Variants in VWA5B1 observed in about 807,000 individuals in gnomAD.
VWA5B1 encodes von Willebrand factor A domain-containing protein 5B1.
Under a neutral mutation model 118.2 loss-of-function variants are expected in VWA5B1, and 115 were observed. The ratio of observed to expected loss-of-function variants is 0.97; its 90% CI spans 0.84 to 1.14. The LOEUF (loss-of-function observed/expected upper bound fraction) is 1.14, where lower values mean the gene tolerates loss of function less well. Among genes scored for constraint, VWA5B1 ranks in the 50% most tolerant of loss-of-function variants. VWA5B1 has a pLI of 0.00. For synonymous variants in VWA5B1, 682 were observed against 658.4 expected (o/e 1.04, Z -0.55); for missense variants, 1,596 against 1,603.8 (o/e 1.00, Z 0.08).
At chr1:20,337,119 G>A (rs2089739804) in intron 13 of VWA5B1, among the ~76,000 whole-genome samples, 1 of 151,798 alleles carries the variant, frequency 6.6e-6, no homozygotes, top group Non-Finnish European at 1.5e-5. Flanking sequence ...GACCCACTTT[G>A]TACCTTTTAT....
intron 20 of VWA5B1, 65 bp downstream of exon 20, chr1:20,350,991 G>T: frequency 6.7e-7 from 1 of 1,494,438 alleles, no homozygotes; most frequent in Non-Finnish European, 9.1e-7. Flanking sequence ...GGTCCCTGGG[G>T]TTTTCCCTGA....
intron 1 of VWA5B1, among the ~76,000 whole-genome samples, chr1:20,294,781 G>A (rs1170935882): frequency 6.6e-6 from 1 of 152,074 alleles, no homozygotes; most frequent in African/African-American, 2.4e-5. Context: ...TAGAGACGGG[G>A]TTTCTCCATG....
intron 7 of VWA5B1, 184 bp from the exon 8 acceptor site, chr1:20,323,172 A>ATGCT (rs2089274038): frequency 2.2e-6 from 1 of 455,688 alleles, no homozygotes; most frequent in South Asian, 9.0e-5. Context: ...TGCAAAGTCC[A>ATGCT]TGCTTGCTGT....
chr1:20,355,064 A>G lies in VWA5B1; in HGVS notation c.*801A>G, dbSNP rs1243413560. On this transcript the variant is annotated 3_prime_UTR_variant, in exon 22 of 22. Coordinates refer to ENST00000289815, the MANE Select transcript of VWA5B1 (RefSeq NM_001039500.3). Reference sequence around the variant, plus strand: ...GTCCTAAAAGAACAGACATGGTCACAGAAGTCAATGAAGACACCAGACAAC... The same window carrying G: ...GTCCTAAAAGAACAGACATGGTCACGGAAGTCAATGAAGACACCAGACAAC... Among the ~76,000 whole-genome samples the G allele has an allele frequency of 6.6e-6, 1 of 152,254 alleles. No homozygotes were observed. The highest frequency in any genetic ancestry group is 1.5e-5 in the Non-Finnish European group (1 of 68,046).
intron 1 of VWA5B1, among the ~76,000 whole-genome samples, chr1:20,291,361 C>CTCTCTCTCTCTA (rs2088299046): frequency 7.4e-6 from 1 of 135,600 alleles, no homozygotes; most frequent in East Asian, 2.4e-4. Context: ...TTCTTTCTTT[C>CTCTCTCTCTCTA]TCTCTCTCTC....
chr1:20,337,921 TG>T, intron 14 of VWA5B1, 85 bp downstream of exon 14: 1 of 1,517,616 alleles, frequency 6.6e-7, no homozygotes, highest in South Asian at 1.2e-5. Flanking sequence ...CCGCAGGACG[TG>T]GCCATCCACA....
In VWA5B1 at chr1:20,358,126, C is replaced by T. The variant is rs1393594859; in HGVS notation, c.*3863C>T. Reference sequence around the variant, plus strand: ...GGCACCCATGTTTCCCCAGCCAGTCCCTTCTCTGCGGGCAAAATGAATGGC... The same window carrying T: ...GGCACCCATGTTTCCCCAGCCAGTCTCTTCTCTGCGGGCAAAATGAATGGC... On this transcript the variant is annotated 3_prime_UTR_variant, in exon 22 of 22. Coordinates refer to ENST00000289815, the MANE Select transcript of VWA5B1 (RefSeq NM_001039500.3). 6.6e-6 allele frequency among the ~76,000 whole-genome samples: 1 copy of T among 152,178 alleles called. No individual in the cohort carries two copies. Among genetic ancestry groups the T allele is most frequent in the Non-Finnish European group, 1.5e-5 (1 of 68,040 alleles).
Position 20,330,918 on chromosome 1 carries a change from G to A in VWA5B1, c.1507G>A (p.Gly503Arg). 1 of 1,551,762 alleles carries A rather than the reference G, an allele frequency of 6.4e-7. No individual in the cohort carries two copies. The highest frequency in any genetic ancestry group is 8.7e-7 in the Non-Finnish European group (1 of 1,147,014). ...GPNVCHRLVK[G>R]LASVSEGSAE... ...CAACGTCTGCCACAGACTGGTGAAA[G>A]GACTGGCATCTGTGTCCGAGGGCAG... The change falls in exon 11 of 22, where the codon GGA becomes AGA. Residue 503 changes from glycine (G) to arginine (R), a missense_variant. Transcript: ENST00000289815.
At chr1:20,331,010 T>A (rs1169057139) in intron 11 of VWA5B1, 27 bp downstream of exon 11, 18 of 1,512,564 alleles carry the variant, frequency 1.2e-5, no homozygotes, top group Non-Finnish European at 1.6e-5. Context: ...ACGCAGTCCC[T>A]TCTGGTGCTG....
rs1455952589 is a variant in VWA5B1, at chr1:20,318,576, T to C, written c.710-14T>C. 1.9e-6 allele frequency: 3 copies of C among 1,551,090 alleles called. No homozygotes were observed. The African/African-American group carries it at 4.1e-5, about 21-fold the overall frequency. On this transcript the variant is annotated splice_polypyrimidine_tract_variant and intron_variant, in intron 5 of 21. Transcript: ENST00000289815. ...CATGAGCCTATATCCCCCTTGCCTT[T>C]CTATGCCACTCAGGGGTGGAGAGTC... is the stretch of plus-strand genomic sequence containing the variant.
At chr1:20,353,608 G>C in intron 21 of VWA5B1, 149 bp from the exon 22 acceptor site, 3 of 1,024,158 alleles carry the variant, frequency 2.9e-6, no homozygotes, top group Non-Finnish European at 4.1e-6. Context: ...GCAGGATAAA[G>C]GATAGAGATG....
At chr1:20,350,506 C>T (rs537580403) in intron 19 of VWA5B1, among the ~76,000 whole-genome samples, 4 of 152,302 alleles carry the variant, frequency 2.6e-5, no homozygotes, top group East Asian at 1.9e-4. Context: ...TTTGCCACTC[C>T]GCTCTGCCTA....
chr1:20,347,485 G>A (rs947310530), intron 17 of VWA5B1, among the ~76,000 whole-genome samples: 1 of 151,422 alleles, frequency 6.6e-6, no homozygotes. Flanking sequence ...TGTTGCTCAG[G>A]TTAGAGTGCA....
rs977409123 is a variant in VWA5B1, at chr1:20,330,117, C to T, written c.1255-63C>T. ...AGATCTAGGGAAACAAAGTCCTCTT[C>T]CTTAGGTGGTCTAGAGTCTCTGTAC... On this transcript the variant is annotated intron_variant, in intron 9 of 21. Transcript: ENST00000289815. The T allele has an allele frequency of 9.8e-6, 15 of 1,530,380 alleles. No individual in the cohort carries two copies. The East Asian group carries it at 3.2e-4, about 33-fold the overall frequency. The allele number at this position is 1,530,380 out of a possible 1,614,324, so 94.8% of individuals were successfully genotyped here.
At chr1:20,305,496 A>C (rs2088623836) in intron 1 of VWA5B1, among the ~76,000 whole-genome samples, 2 of 152,080 alleles carry the variant, frequency 1.3e-5, no homozygotes, top group South Asian at 4.1e-4. Flanking sequence ...GGATAGCCAA[A>C]ATGCATCAGC....
chr1:20,315,481 C>T (rs1324907939), intron 4 of VWA5B1, among the ~76,000 whole-genome samples: 2 of 152,236 alleles, frequency 1.3e-5, no homozygotes, highest in African/African-American at 2.4e-5. Flanking sequence ...AAGGCACTTA[C>T]AGCTGAGATC....
At position 20,342,539 on chromosome 1, in the gene VWA5B1, G is replaced by C; in HGVS notation, c.2241G>C (p.Trp747Cys). 6.5e-7 allele frequency: 1 copy of C among 1,545,750 alleles called. No homozygotes were observed. The change falls in exon 15 of 22, where the codon TGG becomes TGC. Residue 747 changes from tryptophan (W) to cysteine (C), a missense_variant. Physicochemically the swap from Trp to Cys is radical, Grantham distance 215. Coordinates refer to ENST00000289815, the MANE Select transcript of VWA5B1 (RefSeq NM_001039500.3). The part of the protein sequence containing the change: ...LPQGCQPFLP[W>C]GQETQAWSPV... ...AAGGCTGCCAGCCCTTCCTGCCCTG[G>C]GGCCAGGAGACCCAGGCCTGGAGCC...
rs2090242886 is a variant in VWA5B1, at chr1:20,357,069, A to C, written c.*2806A>C. Among the ~76,000 whole-genome samples, 1 of 152,204 alleles carries C rather than the reference A, an allele frequency of 6.6e-6. No individual in the cohort carries two copies. Among genetic ancestry groups the C allele is most frequent in the Admixed American group, 6.5e-5 (1 of 15,280 alleles). On this transcript the variant is annotated 3_prime_UTR_variant, in exon 22 of 22. Coordinates refer to ENST00000289815, the MANE Select transcript of VWA5B1 (RefSeq NM_001039500.3). ...CTTGCTAAACCAGCCCTTGCTTTCT[A>C]GGTCATACAAAGGAATATTTATGCC...
At chr1:20,291,359 T>TTCTTTC (rs1381113890) in intron 1 of VWA5B1, among the ~76,000 whole-genome samples, 1,398 of 103,374 alleles carry the variant, frequency 0.014, 29 homozygotes, top group African/African-American at 0.047. Flanking sequence ...CTTTCTTTCT[T>TTCTTTC]TCTCTCTCTC....
Sources: gnomAD v4.1 joint callset for allele counts (sites outside exome capture counted in the v4.1 genomes callset) on GRCh38, gnomAD v4.1.1 for gene constraint, MANE v1.5 for transcripts, NCBI Gene and HGNC (gene_info 2026-07-23, HGNC 2026-07-21) for gene names.